MYRFL: variants seen among roughly 807,000 people sequenced by gnomAD.
The protein encoded by MYRFL is myelin regulatory factor like.
Under a neutral mutation model 109.4 loss-of-function variants are expected in MYRFL, and 88 were observed. The observed-to-expected ratio is 0.80, with a 90% CI of 0.68 to 0.96. The LOEUF is 0.96. MYRFL is among the 40% of genes least tolerant of loss of function. The pLI is 0.00. For missense variants in MYRFL, 957 were observed against 954.9 expected (o/e 1.00, Z -0.03); for synonymous variants, 324 against 320.9 (o/e 1.01, Z -0.10).
chr12:69,893,629 C>T, intron 7 of MYRFL, 135 bp from the exon 8 acceptor site: 1 of 346,982 alleles, frequency 2.9e-6, no homozygotes, highest in Non-Finnish European at 5.0e-6. Context: ...TCTTATGTGT[C>T]TTTTCAGTGA....
intron 1 of MYRFL, among the ~76,000 whole-genome samples, chr12:69,832,893 T>C (rs1215700323): frequency 6.6e-6 from 1 of 151,584 alleles, no homozygotes; most frequent in Non-Finnish European, 1.5e-5. Flanking sequence ...GTGTCAACAA[T>C]TCATGGATGG....
At chr12:69,908,289 T>A (rs1216143346) in intron 11 of MYRFL, among the ~76,000 whole-genome samples, 2 of 152,224 alleles carry the variant, frequency 1.3e-5, no homozygotes, top group Non-Finnish European at 2.9e-5. Context: ...AGACAAAGAA[T>A]GAAGTTGACA....
chr12:69,846,338 C>G (rs904638387), intron 1 of MYRFL, among the ~76,000 whole-genome samples: 1 of 149,776 alleles, frequency 6.7e-6, no homozygotes, highest in Non-Finnish European at 1.5e-5. Context: ...ATCCCTCCCC[C>G]CTCACCCCAC....
At chr12:69,834,970 G>T (rs1882847583) in intron 1 of MYRFL, among the ~76,000 whole-genome samples, 1 of 152,192 alleles carries the variant, frequency 6.6e-6, no homozygotes, top group African/African-American at 2.4e-5. Context: ...AAAGCTGAAA[G>T]AAATATATTG....
At chr12:69,912,998 A>T (rs910749878) in intron 13 of MYRFL, among the ~76,000 whole-genome samples, 1 of 152,078 alleles carries the variant, frequency 6.6e-6, no homozygotes, top group African/African-American at 2.4e-5. Flanking sequence ...AACAGAAGCC[A>T]TCCAAATGGG....
chr12:69,859,033 C>CTA lies in MYRFL; in HGVS notation c.137+3675_137+3676dup, dbSNP rs200159724. Among the ~76,000 whole-genome samples the CTA allele has an allele frequency of 1.2e-3, 181 of 151,588 alleles. No homozygotes were observed. The Middle Eastern group carries it at 0.017, about 14-fold the overall frequency. On this transcript the variant is annotated intron_variant, in intron 2 of 24. Coordinates refer to ENST00000552032, the MANE Select transcript of MYRFL (RefSeq NM_182530.3). ...GCTGCCTCACTCAGTTTTTGATATA[C>CTA]TATATATATATATTTTTTTCAGTTC...
intron 13 of MYRFL, 24 bp from the exon 14 acceptor site, chr12:69,926,547 C>A: frequency 1.4e-6 from 2 of 1,463,908 alleles, no homozygotes; most frequent in South Asian, 2.9e-5. Context: ...AATTTATGCA[C>A]TCTGTTTGAT....
Position 69,880,264 on chromosome 12 carries a change from C to A in MYRFL, c.528C>A (p.Cys176Ter), listed in dbSNP as rs568888651. 1.0e-4 allele frequency: 72 copies of A among 702,644 alleles called. No individual in the cohort carries two copies. In the Admixed American group the frequency reaches 1.4e-3, roughly 14 times the overall value. 43.5% of individuals were successfully genotyped at this position (702,644 alleles called of 1,614,324 possible). A position where few individuals can be genotyped will look rare whatever the true frequency, so the allele number is the denominator to read the frequency against. ...AGGCACTGGAGGACTCCGGGGAATG[C>A]CGAGTGTGGGCCTGCCACTGCAGAC... ...CTQALEDSGE[C>*]RVWACHCRPM... is the part of the protein sequence containing the mutation. The change falls in exon 5 of 25, where the codon TGC becomes TGA. Residue 176 changes from cysteine to a stop codon, truncating the protein, a stop_gained. Transcript: ENST00000552032. LOFTEE classifies it high-confidence loss of function.
intron 19 of MYRFL, among the ~76,000 whole-genome samples, chr12:69,941,952 C>A (rs1304378416): frequency 6.6e-6 from 1 of 151,278 alleles, no homozygotes; most frequent in South Asian, 2.1e-4. Context: ...GGATAAATTC[C>A]TGGACACATA....
rs1284395714 is a variant in MYRFL, at chr12:69,827,502, G to A, written c.46+1939G>A. Among the ~76,000 whole-genome samples the A allele has an allele frequency of 3.3e-5, 5 of 151,912 alleles. No individual in the cohort carries two copies. The South Asian group carries it at 6.2e-4, about 19-fold the overall frequency. ...GCTTGTGAGCTAAAGCAGAAGAGGC[G>A]CAATCAGGCACTCTAGAGATCGCAA... On this transcript the variant is annotated intron_variant, in intron 1 of 24. Coordinates refer to ENST00000552032, the MANE Select transcript of MYRFL (RefSeq NM_182530.3).
intron 10 of MYRFL, 107 bp from the exon 11 acceptor site, chr12:69,903,537 A>G (rs10784805): frequency 0.33 from 394,009 of 1,194,534 alleles, 68,372 homozygotes; most frequent in African/African-American, 0.52. Context: ...GGATTCTCTT[A>G]TGAAAGACTT....
chr12:69,922,911 T>G (rs898164968), intron 13 of MYRFL, among the ~76,000 whole-genome samples: 18 of 152,218 alleles, frequency 1.2e-4, no homozygotes, highest in Non-Finnish European at 2.1e-4. Flanking sequence ...TCTTCATTTA[T>G]TCTCTGGAAT....
At chr12:69,862,982 G>T (rs1390993140) in intron 2 of MYRFL, among the ~76,000 whole-genome samples, 2 of 151,902 alleles carry the variant, frequency 1.3e-5, no homozygotes, top group Non-Finnish European at 2.9e-5. Flanking sequence ...TTTGTCAAAG[G>T]CCTTTTCTGC....
chr12:69,856,796 AG>A (rs1166635865), intron 2 of MYRFL, among the ~76,000 whole-genome samples: 1 of 151,982 alleles, frequency 6.6e-6, no homozygotes, highest in Non-Finnish European at 1.5e-5. Flanking sequence ...GGATATAAAA[AG>A]TTTGTTAGAT....
chr12:69,929,254 G>A (rs1028075348), intron 15 of MYRFL, among the ~76,000 whole-genome samples: 1 of 152,164 alleles, frequency 6.6e-6, no homozygotes, highest in Non-Finnish European at 1.5e-5. Context: ...AAGAGCACCC[G>A]TTCAACTCAG....
chr12:69,854,496 G>T (rs541961171), intron 1 of MYRFL, among the ~76,000 whole-genome samples: 4 of 152,208 alleles, frequency 2.6e-5, no homozygotes, highest in African/African-American at 9.6e-5. Context: ...GGATTCTCCT[G>T]CCTCAGCCTC....
Position 69,926,932 on chromosome 12 carries a change from G to GTTTTTTTTTTTTTTTTTT in MYRFL, c.1766+198_1766+199insTTTTTTTTTTTTTTTTTT, listed in dbSNP as rs1336716063. ...ACTTTCTTAGTTTTTTTCTGTTGCTGGTTTTTTTTTTTTTTTTTTTTTTTT... is the reference window on the plus strand; with the variant it reads ...ACTTTCTTAGTTTTTTTCTGTTGCTGTTTTTTTTTTTTTTTTTTGTTTTTTTTTTTTTTTTTTTTTTTT... On this transcript the variant is annotated intron_variant, in intron 14 of 24. Transcript: ENST00000552032. Among the ~76,000 whole-genome samples the GTTTTTTTTTTTTTTTTTT allele has an allele frequency of 1.9e-3, 146 of 76,850 alleles. 59 individuals are homozygous for GTTTTTTTTTTTTTTTTTT. Among genetic ancestry groups the GTTTTTTTTTTTTTTTTTT allele is most frequent in the Non-Finnish European group, 2.9e-3 (114 of 39,078 alleles). 50.4% of individuals were successfully genotyped at this position (76,850 alleles called of 152,430 possible). A position where few individuals can be genotyped will look rare whatever the true frequency, so the allele number is the denominator to read the frequency against.
chr12:69,917,832 AAGG>A (rs909878042), intron 13 of MYRFL, among the ~76,000 whole-genome samples: 6 of 152,026 alleles, frequency 3.9e-5, no homozygotes, highest in Non-Finnish European at 8.8e-5. Flanking sequence ...AGGAAATCTG[AAGG>A]AGAAGTGATT....
chr12:69,920,170 G>A (rs763904244), intron 13 of MYRFL, among the ~76,000 whole-genome samples: 6 of 152,098 alleles, frequency 3.9e-5, no homozygotes, highest in Non-Finnish European at 7.4e-5. Flanking sequence ...CTCGCAAAGA[G>A]GACAGGACCT....
Sources: allele counts gnomAD v4.1 joint callset (sites outside exome capture counted in the v4.1 genomes callset), GRCh38; gene constraint gnomAD v4.1.1; transcripts MANE v1.5; gene names NCBI Gene and HGNC (gene_info 2026-07-23, HGNC 2026-07-21).